The following CCDC83 variants were observed in gnomAD, a reference collection of about 807,000 sequenced individuals.
CCDC83 encodes coiled-coil domain containing 83.
In CCDC83, 54 loss-of-function variants were observed where a neutral mutation model predicts 50.1. That is an observed-to-expected ratio of 1.08 (90% CI 0.87 to 1.35). The LOEUF is 1.35. Among genes scored for constraint, CCDC83 ranks in the 40% most tolerant of loss-of-function variants. The pLI is 0.00. For synonymous variants in CCDC83, 161 were observed against 153.3 expected, an observed-to-expected ratio of 1.05 and a Z score of -0.37; for missense variants, 518 against 473.9, an observed-to-expected ratio of 1.09 and a Z score of -0.86.
intron 5 of CCDC83, 30 bp downstream of exon 5, chr11:85,886,397 A>G (rs751654623): frequency 3.0e-5 from 47 of 1,545,534 alleles, no homozygotes; most frequent in Non-Finnish European, 3.9e-5. Flanking sequence ...GTTCAAGTTC[A>G]GTAAAAAACA....
intron 4 of CCDC83, 76 bp downstream of exon 4, chr11:85,882,751 C>A: frequency 7.5e-7 from 1 of 1,326,072 alleles, no homozygotes; most frequent in Non-Finnish European, 1.1e-6. Context: ...TTTATTCTTC[C>A]AATATGTTCA....
chr11:85,870,584 A>T (rs2093231438), intron 2 of CCDC83, among the ~76,000 whole-genome samples: 1 of 152,118 alleles, frequency 6.6e-6, no homozygotes, highest in Non-Finnish European at 1.5e-5. Flanking sequence ...CGTGGTGCAC[A>T]TCTGTAACCC....
intron 4 of CCDC83, among the ~76,000 whole-genome samples, chr11:85,885,946 A>C (rs2093324705): frequency 6.6e-6 from 1 of 152,230 alleles, no homozygotes; most frequent in South Asian, 2.1e-4. Context: ...TGGGTTGTCT[A>C]TTACGTCTTT....
At chr11:85,896,066 A>AT (rs1323053718) in intron 6 of CCDC83, among the ~76,000 whole-genome samples, 2 of 152,008 alleles carry the variant, frequency 1.3e-5, no homozygotes, top group Non-Finnish European at 2.9e-5. Flanking sequence ...CAGATTTTGG[A>AT]TTTTTTCAGA....
At chr11:85,890,818 C>G (rs1223921067) in intron 5 of CCDC83, among the ~76,000 whole-genome samples, 1 of 152,182 alleles carries the variant, frequency 6.6e-6, no homozygotes, top group African/African-American at 2.4e-5. Context: ...TAAATTGTTG[C>G]AATATTCTGA....
intron 4 of CCDC83, among the ~76,000 whole-genome samples, chr11:85,885,147 G>A (rs986224558): frequency 1.3e-5 from 2 of 152,042 alleles, no homozygotes; most frequent in Non-Finnish European, 2.9e-5. Flanking sequence ...CTGGGAGGTG[G>A]AGGTTGCAGT....
At position 85,916,064 on chromosome 11, in the gene CCDC83, G is replaced by T. The variant is rs779619458; in HGVS notation, c.911G>T (p.Ser304Ile). 6.2e-7 allele frequency: 1 copy of T among 1,612,596 alleles called. No individual in the cohort carries two copies. Reference protein sequence around the residue: ...KSELQPTEVESRDLMSSSDES... With the variant: ...KSELQPTEVEIRDLMSSSDES... ...GAATTGCAACCCACAGAAGTAGAAA[G>T]TAGAGACTTGATGTCCTCATCAGAT... Residue 304 changes from serine (S) to isoleucine (I), a missense_variant, in exon 10 of 11, where the codon AGT becomes ATT. Coordinates refer to ENST00000342404, the MANE Select transcript of CCDC83 (RefSeq NM_001286159.2).
At chr11:85,869,905 A>T (rs1370965425) in intron 2 of CCDC83, among the ~76,000 whole-genome samples, 1 of 152,240 alleles carries the variant, frequency 6.6e-6, no homozygotes. Context: ...CAGCTAAATT[A>T]GACCCACAGC....
At chr11:85,869,889 C>T (rs2093227735) in intron 2 of CCDC83, among the ~76,000 whole-genome samples, 3 of 152,328 alleles carry the variant, frequency 2.0e-5, no homozygotes, top group Admixed American at 1.3e-4. Flanking sequence ...CTTTCAAAGA[C>T]AGGCTCAGCT....
At chr11:85,912,336 CA>C (rs1265706011) in intron 8 of CCDC83, among the ~76,000 whole-genome samples, 7 of 152,138 alleles carry the variant, frequency 4.6e-5, no homozygotes, top group East Asian at 1.9e-4. Flanking sequence ...AAGGTGGATA[CA>C]GGTAAATTAT....
At chr11:85,917,167 A>AGAGAGAGAGAGAGAAG (rs1554986879) in intron 10 of CCDC83, among the ~76,000 whole-genome samples, 26 of 86,944 alleles carry the variant, frequency 3.0e-4, no homozygotes, top group African/African-American at 1.0e-3. Context: ...AGAGAGAGAG[A>AGAGAGAGAGAGAGAAG]GAAAGAAAGA....
At chr11:85,911,581 TAC>T (rs2093454699) in intron 8 of CCDC83, among the ~76,000 whole-genome samples, 179 bp downstream of exon 8, 1 of 152,214 alleles carries the variant, frequency 6.6e-6, no homozygotes, top group South Asian at 2.1e-4. Flanking sequence ...TGACCATTGG[TAC>T]AATGTAAAGT....
intron 10 of CCDC83, among the ~76,000 whole-genome samples, chr11:85,917,166 GAGAAAGAA>G (rs1554986880): frequency 1.9e-4 from 12 of 62,416 alleles, no homozygotes; most frequent in African/African-American, 6.2e-4. Flanking sequence ...GAGAGAGAGA[GAGAAAGAA>G]AGAAAGAAAG....
intron 1 of CCDC83, among the ~76,000 whole-genome samples, chr11:85,864,024 T>C (rs921585537): frequency 6.6e-6 from 1 of 152,186 alleles, no homozygotes; most frequent in African/African-American, 2.4e-5. Flanking sequence ...CAACTGAAGT[T>C]CCTCAAAAAG....
intron 5 of CCDC83, among the ~76,000 whole-genome samples, chr11:85,891,899 C>T (rs1248695238): frequency 6.6e-6 from 1 of 152,124 alleles, no homozygotes; most frequent in African/African-American, 2.4e-5. Context: ...GTGTGTTAGG[C>T]CCCAAATCCA....
intron 1 of CCDC83, 124 bp from the exon 2 acceptor site, chr11:85,864,972 G>A: frequency 1.6e-6 from 1 of 610,134 alleles, no homozygotes; most frequent in Non-Finnish European, 2.9e-6. Flanking sequence ...GTTAGATCTG[G>A]GGACATGGAA....
intron 5 of CCDC83, 22 bp from the exon 6 acceptor site, chr11:85,895,271 T>TC (rs1565148412): frequency 1.4e-6 from 1 of 723,718 alleles, no homozygotes; most frequent in South Asian, 1.9e-5. Flanking sequence ...TTTCTTTTTT[T>TC]TTTTTTTTTT....
intron 7 of CCDC83, among the ~76,000 whole-genome samples, chr11:85,902,017 T>G (rs898520349): frequency 1.3e-5 from 2 of 151,074 alleles, no homozygotes; most frequent in Non-Finnish European, 2.9e-5. Flanking sequence ...GGTGACAGAC[T>G]GTCTCAAAGA....
intron 5 of CCDC83, among the ~76,000 whole-genome samples, chr11:85,889,612 A>G (rs558492635): frequency 1.3e-5 from 2 of 152,320 alleles, no homozygotes; most frequent in South Asian, 2.1e-4. Context: ...ACTGGACACA[A>G]TGAATATGAG....
Sources: gnomAD v4.1 joint callset for allele counts (sites outside exome capture counted in the v4.1 genomes callset) on GRCh38, gnomAD v4.1.1 for gene constraint, MANE v1.5 for transcripts, NCBI Gene and HGNC (gene_info 2026-07-23, HGNC 2026-07-21) for gene names.